The following SMARCC1 variants were observed in gnomAD, a reference collection of about 807,000 sequenced individuals.
SMARCC1 encodes the protein SWI/SNF complex subunit SMARCC1.
A neutral mutation model predicts 147.4 loss-of-function variants in SMARCC1; 43 were observed. The ratio of observed to expected loss-of-function variants is 0.29; its 90% confidence interval spans 0.23 to 0.38. SMARCC1 has a LOEUF of 0.38. Ranked by LOEUF, SMARCC1 falls within the 10% of genes least tolerant of loss-of-function variation. The pLI is 1.00. For synonymous variants in SMARCC1, 495 were observed against 484.4 expected (o/e 1.02, Z -0.29); for missense variants, 1,119 against 1,381.1 (o/e 0.81, Z 3.01).
chr3:47,652,112 G>A (rs1445430250), intron 21 of SMARCC1, among the ~76,000 whole-genome samples: 1 of 152,198 alleles, frequency 6.6e-6, no homozygotes, highest in East Asian at 1.9e-4. Flanking sequence ...TAGGACTACA[G>A]GTTTGCACCA....
At position 47,661,438 on chromosome 3, in the gene SMARCC1, G is replaced by C. The variant is rs757920421; in HGVS notation, c.2176C>G (p.Arg726Gly). ...ACCAATTCCAGTGGTACCTCCTCCCGGACCCGAGAAAACTCCTCTGGTTCA... is the reference window on the plus strand; with the variant it reads ...ACCAATTCCAGTGGTACCTCCTCCCCGACCCGAGAAAACTCCTCTGGTTCA... The part of the protein sequence containing the change: ...KAALEEFSRV[R>G]EEVPLELVEA... Residue 726 changes from arginine to glycine, a missense_variant, in exon 21 of 28, where the codon CGG becomes GGG. Arg to Gly is a moderately radical substitution (Grantham distance 125, BLOSUM62 -2). This residue lies in a region of SMARCC1 where 178 missense variants were observed against 264.6 expected (regional missense o/e 0.67). Coordinates refer to ENST00000254480, the MANE Select transcript of SMARCC1 (RefSeq NM_003074.4). The C allele has an allele frequency of 1.2e-6, 2 of 1,603,866 alleles. No individual in the cohort carries two copies. The highest frequency in any genetic ancestry group is 2.2e-5 in the East Asian group (1 of 44,752).
Position 47,635,452 on chromosome 3 carries a change from T to C in SMARCC1, c.2492-108A>G, listed in dbSNP as rs938541121. ...CTAGGACTGATATGACAAAGAGATG[T>C]CAATGCCTTTTTCTTCTTTTTAAGA... On this transcript the variant is annotated intron_variant, in intron 23 of 27. Coordinates refer to ENST00000254480, the MANE Select transcript of SMARCC1 (RefSeq NM_003074.4). 14 of 957,520 alleles carry C rather than the reference T, an allele frequency of 1.5e-5. No individual in the cohort carries two copies. The South Asian group carries it at 2.0e-4, about 14-fold the overall frequency. The allele number at this position is 957,520 out of a possible 1,614,324, so 59.3% of individuals were successfully genotyped here. A position where few individuals can be genotyped will look rare whatever the true frequency, so the allele number is the denominator to read the frequency against.
chr3:47,589,765 T>C (rs1380777082), intron 27 of SMARCC1, among the ~76,000 whole-genome samples: 1 of 152,244 alleles, frequency 6.6e-6, no homozygotes, highest in Non-Finnish European at 1.5e-5. Flanking sequence ...TGGTAAGTTC[T>C]ATATGCCTTC....
At chr3:47,663,949 T>C (rs1438563389) in intron 19 of SMARCC1, 7 of 1,335,026 alleles carry the variant, frequency 5.2e-6, no homozygotes, top group Non-Finnish European at 7.4e-6. Context: ...AGGGTCTGGC[T>C]TTGAAAGCTC....
chr3:47,646,263 T>C (rs752772980), intron 21 of SMARCC1, among the ~76,000 whole-genome samples: 3 of 152,212 alleles, frequency 2.0e-5, no homozygotes, highest in African/African-American at 4.8e-5. Context: ...ATCTCTTATA[T>C]CTCTTGAAAA....
chr3:47,714,218 G>C (rs928483506), intron 8 of SMARCC1, among the ~76,000 whole-genome samples, 197 bp downstream of exon 8: 1 of 152,172 alleles, frequency 6.6e-6, no homozygotes, highest in African/African-American at 2.4e-5. Flanking sequence ...ACAAAAATTA[G>C]CCTAACGTGG....
chr3:47,622,862 AAAAT>A (rs1290309178), intron 24 of SMARCC1, among the ~76,000 whole-genome samples: 3 of 152,344 alleles, frequency 2.0e-5, no homozygotes, highest in Non-Finnish European at 4.4e-5. Context: ...CATAGCTGGA[AAAAT>A]AAATACAGTA....
At chr3:47,723,064 G>A (rs991090553) in intron 6 of SMARCC1, among the ~76,000 whole-genome samples, 2 of 152,178 alleles carry the variant, frequency 1.3e-5, no homozygotes, top group Non-Finnish European at 2.9e-5. Context: ...TTTGGTGTGT[G>A]AGAGTTAGAT....
intron 15 of SMARCC1, 40 bp from the exon 16 acceptor site, chr3:47,678,351 C>A (rs752117702): frequency 2.1e-6 from 2 of 969,680 alleles, no homozygotes; most frequent in Non-Finnish European, 3.1e-6. Context: ...GGACATGTAT[C>A]CTCTCAGAAA....
intron 21 of SMARCC1, among the ~76,000 whole-genome samples, chr3:47,649,214 T>C (rs1452242294): frequency 2.0e-5 from 3 of 152,228 alleles, no homozygotes; most frequent in Non-Finnish European, 4.4e-5. Flanking sequence ...CTTACATGCA[T>C]TGGCCTAGGG....
chr3:47,710,466 T>C (rs967223891), intron 9 of SMARCC1, among the ~76,000 whole-genome samples: 3 of 152,128 alleles, frequency 2.0e-5, no homozygotes, highest in Non-Finnish European at 4.4e-5. Context: ...TAAATCTTAA[T>C]AACCTTTTAA....
chr3:47,753,717 AAAAAAAAAAAAAAAAAGAC>A (rs1203242522), intron 2 of SMARCC1, among the ~76,000 whole-genome samples: 1 of 151,208 alleles, frequency 6.6e-6, no homozygotes, highest in Non-Finnish European at 1.5e-5. Context: ...CATCTCAAAA[AAAAAAAAAAAAAAAAAGAC>A]AAAGTAGTGC....
intron 10 of SMARCC1, among the ~76,000 whole-genome samples, chr3:47,703,634 G>A (rs1312247726): frequency 6.6e-6 from 1 of 152,208 alleles, no homozygotes; most frequent in Non-Finnish European, 1.5e-5. Context: ...TGTGAAGTGA[G>A]AGTGGAAATG....
chr3:47,641,557 A>C (rs2033047563), intron 21 of SMARCC1, among the ~76,000 whole-genome samples: 1 of 152,174 alleles, frequency 6.6e-6, no homozygotes, highest in South Asian at 2.1e-4. Flanking sequence ...AAAACTGTCT[A>C]CATACAAAGA....
chr3:47,693,240 C>T lies in SMARCC1; in HGVS notation c.1225+1G>A, dbSNP rs747148099. 6.4e-7 allele frequency: 1 copy of T among 1,558,084 alleles called. No homozygotes were observed. The highest frequency in any genetic ancestry group is 1.7e-5 in the Admixed American group (1 of 59,756). On this transcript the variant is annotated splice_donor_variant, in intron 12 of 27. Transcript: ENST00000254480. LOFTEE classifies it high-confidence loss of function. Reference sequence around the variant, plus strand: ...CCAGTGTATAGATTTTAGGTGCTTACCTAGATCCGCTACAGTTCCTCCTTT... The same window carrying T: ...CCAGTGTATAGATTTTAGGTGCTTATCTAGATCCGCTACAGTTCCTCCTTT...
At chr3:47,648,510 CCAAGTAGCTGGGA>C (rs2033148021) in intron 21 of SMARCC1, among the ~76,000 whole-genome samples, 1 of 152,052 alleles carries the variant, frequency 6.6e-6, no homozygotes, top group African/African-American at 2.4e-5. Context: ...TCTCTGCCTC[CCAAGTAGCTGGGA>C]CAACAAGTGT....
At chr3:47,775,757 G>A (rs966858632) in intron 1 of SMARCC1, among the ~76,000 whole-genome samples, 1 of 151,966 alleles carries the variant, frequency 6.6e-6, no homozygotes, top group African/African-American at 2.4e-5. Context: ...CAGCCTGGGT[G>A]CACTCCAGCC....
intron 2 of SMARCC1, among the ~76,000 whole-genome samples, chr3:47,770,516 G>A (rs982266378): frequency 3.9e-5 from 6 of 151,966 alleles, no homozygotes; most frequent in East Asian, 3.9e-4. Context: ...CCAGCTACTC[G>A]GGAGGCTGAG....
intron 3 of SMARCC1, among the ~76,000 whole-genome samples, chr3:47,740,736 G>T (rs946523198): frequency 6.6e-6 from 1 of 151,772 alleles, no homozygotes; most frequent in Non-Finnish European, 1.5e-5. Context: ...TGAGGACAAT[G>T]GCCAGGTTTT....
Sources: allele counts gnomAD v4.1 joint callset (sites outside exome capture counted in the v4.1 genomes callset), GRCh38; gene constraint gnomAD v4.1.1; regional missense constraint gnomAD v4.1.1; transcripts MANE v1.5; gene names NCBI Gene and HGNC (gene_info 2026-07-23, HGNC 2026-07-21).